BPTF: variants seen among roughly 807,000 people sequenced by gnomAD.
BPTF encodes the protein bromodomain PHD finger transcription factor.
A neutral mutation model predicts 292.5 loss-of-function variants in BPTF; 18 were observed. The observed-to-expected ratio is 0.06, with a 90% CI of 0.04 to 0.09. The LOEUF (loss-of-function observed/expected upper bound fraction) is 0.09, where lower values mean the gene tolerates loss of function less well. BPTF is among the 10% of genes least tolerant of loss of function. The pLI is 1.00. For missense variants in BPTF, 2,726 were observed against 3,498.7 expected (o/e 0.78, Z 5.57); for synonymous variants, 1,225 against 1,251.9 (o/e 0.98, Z 0.45).
intron 18 of BPTF, 109 bp from the exon 19 acceptor site, chr17:67,940,330 G>C (rs2065265226): frequency 2.0e-6 from 2 of 1,025,580 alleles, no homozygotes; most frequent in Admixed American, 4.4e-5. Context: ...ATATCCCAGT[G>C]TTTTTTTGAA....
At chr17:67,851,748 A>G (rs1331086634) in intron 1 of BPTF, among the ~76,000 whole-genome samples, 1 of 152,190 alleles carries the variant, frequency 6.6e-6, no homozygotes, top group East Asian at 1.9e-4. Flanking sequence ...TGAAGTTGTG[A>G]TACCAGTTTA....
chr17:67,984,294 T>C lies in BPTF; in HGVS notation c.*2006T>C, dbSNP rs1244623477. ...AATAGATTGCTATGTTTTTAACAAA[T>C]TGTGGCAAATTCTAAACAGCAATTC... is the stretch of plus-strand genomic sequence containing the variant. On this transcript the variant is annotated 3_prime_UTR_variant, in exon 28 of 28. Coordinates refer to ENST00000306378, the MANE Select transcript of BPTF (RefSeq NM_182641.4). The C allele has an allele frequency of 1.3e-5, 2 of 152,604 alleles. No homozygotes were observed. Among genetic ancestry groups the C allele is most frequent in the Non-Finnish European group, 2.9e-5 (2 of 68,018 alleles). The allele number at this position is 152,604 out of a possible 1,614,324, so 9.5% of individuals were successfully genotyped here.
chr17:67,919,209 T>TAAG (rs2063267176), intron 12 of BPTF, among the ~76,000 whole-genome samples: 1 of 137,408 alleles, frequency 7.3e-6, no homozygotes, highest in Non-Finnish European at 1.5e-5. Context: ...ATAATAATAA[T>TAAG]AATAATAATA....
intron 19 of BPTF, among the ~76,000 whole-genome samples, chr17:67,942,609 G>A (rs782720448): frequency 7.2e-5 from 11 of 152,244 alleles, no homozygotes; most frequent in Non-Finnish European, 1.2e-4. Context: ...CAAGGTCCCA[G>A]TATACCTTCT....
Position 67,826,062 on chromosome 17 carries a change from G to A in BPTF, c.338G>A (p.Arg113Gln). 7.9e-7 allele frequency: 1 copy of A among 1,261,038 alleles called. No individual in the cohort carries two copies. The highest frequency in any genetic ancestry group is 1.6e-5 in the African/African-American group (1 of 64,174). The allele number at this position is 1,261,038 out of a possible 1,614,324, so 78.1% of individuals were successfully genotyped here. ...GGGGGGGHLA[R>Q]TTAARRAVNK... is the part of the protein sequence containing the mutation. ...GGGGGCGGCGGCGGCCACCTGGCCCGGACCACCGCGGCCCGGAGGGCCGTC... is the reference window on the plus strand; with the variant it reads ...GGGGGCGGCGGCGGCCACCTGGCCCAGACCACCGCGGCCCGGAGGGCCGTC... Residue 113 changes from arginine (R) to glutamine (Q), a missense_variant, in exon 1 of 28, where the codon CGG becomes CAG. By Grantham distance (43) the Arg-to-Gln change is conservative. Around this residue, in one of 22 missense-constraint regions of BPTF, gnomAD observed 153 missense variants for 178.3 expected, o/e 0.86. Transcript: ENST00000306378.
Position 67,911,015 on chromosome 17 carries a change from G to T in BPTF, c.3131G>T (p.Gly1044Val). Residue 1044 changes from glycine (G) to valine (V), a missense_variant, in exon 11 of 28, where the codon GGT becomes GTT. Physicochemically the swap from Gly to Val is moderately radical, Grantham distance 109 (BLOSUM62 -3). This residue lies in a region of BPTF where 713 missense variants were observed against 714.9 expected (regional missense o/e 1.00). Transcript: ENST00000306378. ...GTAGATGTGGTCAATGTTAGTGAGG[G>T]TTTTCATCTAAGGACTAGTTACAAA... ...SQVDVVNVSEGFHLRTSYKKK... is the reference protein window; with the variant it reads ...SQVDVVNVSEVFHLRTSYKKK... The T allele has an allele frequency of 1.9e-6, 3 of 1,605,842 alleles. No individual in the cohort carries two copies. Among genetic ancestry groups the T allele is most frequent in the Non-Finnish European group, 2.6e-6 (3 of 1,175,604 alleles).
At chr17:67,889,902 C>T (rs568835986) in intron 4 of BPTF, among the ~76,000 whole-genome samples, 25 of 152,254 alleles carry the variant, frequency 1.6e-4, no homozygotes, top group African/African-American at 6.0e-4. Context: ...AAGTGACTTG[C>T]TTTCCAGCCT....
At chr17:67,875,185 A>G (rs1355805672) in intron 4 of BPTF, among the ~76,000 whole-genome samples, 165 bp downstream of exon 4, 3 of 152,186 alleles carry the variant, frequency 2.0e-5, no homozygotes, top group Non-Finnish European at 4.4e-5. Context: ...TAACAATTGT[A>G]ATGAGTTTTA....
intron 26 of BPTF, among the ~76,000 whole-genome samples, chr17:67,968,044 A>G (rs142619062): frequency 1.5e-3 from 222 of 143,446 alleles, no homozygotes; most frequent in Middle Eastern, 3.6e-3. Context: ...CCCAGAAAAA[A>G]AAATGGTAAT....
intron 1 of BPTF, among the ~76,000 whole-genome samples, chr17:67,829,135 T>C (rs1386397649): frequency 1.3e-5 from 2 of 152,080 alleles, no homozygotes; most frequent in Non-Finnish European, 2.9e-5. Flanking sequence ...TTTTTTCTAA[T>C]TGGTTTTTGA....
Position 67,825,675 on chromosome 17 carries a change from C to G in BPTF, c.-50C>G. On this transcript the variant is annotated 5_prime_UTR_variant, in exon 1 of 28. Transcript: ENST00000306378. Reference sequence around the variant, plus strand: ...CCGGCGCTCCCCACCGCCCCCCCTGCGCCCGCCCCTCCCCCTTCGCTTTCC... The same window carrying G: ...CCGGCGCTCCCCACCGCCCCCCCTGGGCCCGCCCCTCCCCCTTCGCTTTCC... 1 of 473,534 alleles carries G rather than the reference C, an allele frequency of 2.1e-6. No homozygotes were observed. Among genetic ancestry groups the G allele is most frequent in the Non-Finnish European group, 3.0e-6 (1 of 337,578 alleles). 29.3% of individuals were successfully genotyped at this position (473,534 alleles called of 1,614,324 possible). A position where few individuals can be genotyped will look rare whatever the true frequency, so the allele number is the denominator to read the frequency against.
chr17:67,930,697 A>G (rs2064303339), intron 17 of BPTF, among the ~76,000 whole-genome samples: 1 of 152,146 alleles, frequency 6.6e-6, no homozygotes, highest in Non-Finnish European at 1.5e-5. Context: ...TAATGCCAGC[A>G]CTTTGGGAGG....
intron 2 of BPTF, among the ~76,000 whole-genome samples, chr17:67,857,845 G>A (rs1239261605): frequency 6.9e-6 from 1 of 144,590 alleles, no homozygotes; most frequent in Non-Finnish European, 1.5e-5. Flanking sequence ...AGAGTACAGT[G>A]GCGCGATCCT....
chr17:67,943,434 C>T (rs2065550613), intron 19 of BPTF, among the ~76,000 whole-genome samples: 1 of 152,110 alleles, frequency 6.6e-6, no homozygotes, highest in African/African-American at 2.4e-5. Context: ...AGTTGAATTA[C>T]AGTTCTGGAC....
intron 4 of BPTF, 79 bp from the exon 5 acceptor site, chr17:67,891,765 T>C: frequency 1.8e-6 from 2 of 1,106,076 alleles, no homozygotes; most frequent in Non-Finnish European, 2.5e-6. Context: ...ATACACCAGA[T>C]ACGAGTTTTG....
intron 26 of BPTF, among the ~76,000 whole-genome samples, chr17:67,969,705 G>T (rs909038971): frequency 4.6e-5 from 7 of 151,804 alleles, no homozygotes; most frequent in Non-Finnish European, 7.4e-5. Flanking sequence ...AGCCCCAAAT[G>T]GTGGTTCCCC....
At chr17:67,831,371 A>G (rs2056658836) in intron 1 of BPTF, among the ~76,000 whole-genome samples, 1 of 152,200 alleles carries the variant, frequency 6.6e-6, no homozygotes, top group Non-Finnish European at 1.5e-5. Flanking sequence ...AAACATGAGA[A>G]TTAAACAAAA....
chr17:67,924,079 A>G (rs1405924384), intron 14 of BPTF, among the ~76,000 whole-genome samples: 4 of 151,966 alleles, frequency 2.6e-5, no homozygotes, highest in Admixed American at 2.6e-4. Context: ...GCTCACTGCA[A>G]ACTCCACCTC....
rs1295383565 is a variant in BPTF at position 67,854,223 on chromosome 17, C to T, written c.897C>T (p.Asp299=). The change falls in exon 2 of 28, where the codon GAC becomes GAT. Residue 299 remains aspartate, a synonymous_variant. Coordinates refer to ENST00000306378, the MANE Select transcript of BPTF (RefSeq NM_182641.4). The surrounding 1 kb of genome is among the most constrained non-coding windows in gnomAD (Gnocchi z 5.6). The part of the protein sequence containing the change: ...VLLKAVLREE[D]TSNTTFGPAD... ...TGAAAGCAGTTCTGCGTGAAGAAGA[C>T]ACTTCCAATACTACCTTTGGACCTG... 2 of 1,614,206 alleles carry T rather than the reference C, an allele frequency of 1.2e-6. No individual in the cohort carries two copies. Among genetic ancestry groups the T allele is most frequent in the South Asian group, 1.1e-5 (1 of 91,084 alleles).
Sources: allele counts gnomAD v4.1 joint callset (sites outside exome capture counted in the v4.1 genomes callset), GRCh38; gene constraint gnomAD v4.1.1; regional missense constraint gnomAD v4.1.1; non-coding constraint Gnocchi (gnomAD v3.1); transcripts MANE v1.5; gene names NCBI Gene and HGNC (gene_info 2026-07-23, HGNC 2026-07-21).